DGCR2: variants seen among roughly 807,000 people sequenced by gnomAD.
The protein encoded by DGCR2 is integral membrane protein DGCR2/IDD.
DGCR2 carries 24 observed loss-of-function variants against 51.6 expected under a neutral mutation model. The observed-to-expected ratio is 0.47, with a 90% CI of 0.34 to 0.65. The LOEUF is 0.65. Ranked by LOEUF, DGCR2 falls within the 30% of genes least tolerant of loss-of-function variation. DGCR2 has a pLI of 0.01. For synonymous variants in DGCR2, 340 were observed against 315.4 expected (o/e 1.08, Z -0.82); for missense variants, 765 against 772.1 (o/e 0.99, Z 0.11).
chr22:19,077,164 T>G (rs1392760040), intron 2 of DGCR2, among the ~76,000 whole-genome samples: 2 of 152,232 alleles, frequency 1.3e-5, no homozygotes, highest in Non-Finnish European at 2.9e-5. Flanking sequence ...GTTGAGTGCT[T>G]CTTTTAATTA....
At chr22:19,108,569 TAAAA>T (rs55803042) in intron 1 of DGCR2, among the ~76,000 whole-genome samples, 14 of 90,742 alleles carry the variant, frequency 1.5e-4, no homozygotes, top group South Asian at 3.7e-4. Context: ...AGAATTTATC[TAAAA>T]AAAAAAAAAA....
chr22:19,119,331 A>T (rs986051300), intron 1 of DGCR2, among the ~76,000 whole-genome samples: 4 of 152,208 alleles, frequency 2.6e-5, no homozygotes, highest in Admixed American at 1.3e-4. Context: ...CCCCATCTTT[A>T]AATGAGGCTA....
At chr22:19,065,425 T>G (rs1013990095) in intron 3 of DGCR2, among the ~76,000 whole-genome samples, 1 of 152,220 alleles carries the variant, frequency 6.6e-6, no homozygotes, top group Non-Finnish European at 1.5e-5. Flanking sequence ...CTGCTTCCAA[T>G]GCCCAGCTCT....
chr22:19,068,919 C>T (rs1010046499), intron 2 of DGCR2, among the ~76,000 whole-genome samples: 2 of 152,228 alleles, frequency 1.3e-5, no homozygotes, highest in Non-Finnish European at 2.9e-5. Flanking sequence ...TGCTTCCACC[C>T]ACACACTCTC....
At chr22:19,075,651 T>C (rs760356289) in intron 2 of DGCR2, among the ~76,000 whole-genome samples, 13 of 152,348 alleles carry the variant, frequency 8.5e-5, no homozygotes, top group Non-Finnish European at 1.3e-4. Flanking sequence ...CATTTGAGTA[T>C]CTTGATAGCA....
intron 2 of DGCR2, among the ~76,000 whole-genome samples, chr22:19,089,072 G>T (rs1601264880): frequency 6.6e-6 from 1 of 152,114 alleles, no homozygotes; most frequent in East Asian, 1.9e-4. Context: ...CCTCAGGAGG[G>T]GTTCACACTC....
intron 9 of DGCR2, among the ~76,000 whole-genome samples, chr22:19,040,544 CCA>C (rs1400812064): frequency 6.6e-6 from 1 of 152,192 alleles, no homozygotes; most frequent in African/African-American, 2.4e-5. Flanking sequence ...GGAATGGCGC[CCA>C]CTCTCAGATG....
At chr22:19,082,479 G>A (rs2082950802) in intron 2 of DGCR2, among the ~76,000 whole-genome samples, 1 of 152,086 alleles carries the variant, frequency 6.6e-6, no homozygotes, top group South Asian at 2.1e-4. Context: ...TAGGTATGGT[G>A]GCTCATGCAC....
intron 2 of DGCR2, among the ~76,000 whole-genome samples, chr22:19,082,075 T>G (rs1057186835): frequency 1.3e-5 from 2 of 150,910 alleles, no homozygotes; most frequent in African/African-American, 2.4e-5. Context: ...TTTTTTTTTT[T>G]TTGAAACAGG....
chr22:19,074,271 C>G (rs945304014), intron 2 of DGCR2, among the ~76,000 whole-genome samples: 1 of 151,928 alleles, frequency 6.6e-6, no homozygotes, highest in Admixed American at 6.6e-5. Flanking sequence ...CTAAAAAATA[C>G]AAAAATTAGC....
chr22:19,040,476 A>G (rs1404080445), intron 9 of DGCR2, among the ~76,000 whole-genome samples: 1 of 151,978 alleles, frequency 6.6e-6, no homozygotes, highest in Non-Finnish European at 1.5e-5. Context: ...ACTGCTCAAC[A>G]GAGACAGAGA....
rs144611145 is a variant in DGCR2, at chr22:19,041,852, G to A, written c.1114C>T (p.Arg372Cys). The A allele has an allele frequency of 6.2e-6, 10 of 1,613,152 alleles. No homozygotes were observed. Among genetic ancestry groups the A allele is most frequent in the Non-Finnish European group, 8.5e-6 (10 of 1,179,946 alleles). The change falls in exon 8 of 10, where the codon CGC becomes TGC. Residue 372 changes from arginine to cysteine, a missense_variant. Arg to Cys is a radical substitution (Grantham distance 180). Transcript: ENST00000263196. ...TCGATGCGCTCCCGGCGCCGCTGGC[G>A]CAGCCGGTGGACCATGAAGAGCAGC... is the stretch of plus-strand genomic sequence containing the variant. ...SLLLFMVHRLRQRRRERIESL... is the reference protein window; with the variant it reads ...SLLLFMVHRLCQRRRERIESL...
At chr22:19,049,027 C>G (rs2082521104) in intron 6 of DGCR2, among the ~76,000 whole-genome samples, 2 of 152,214 alleles carry the variant, frequency 1.3e-5, no homozygotes, top group Non-Finnish European at 2.9e-5. Flanking sequence ...CAAGAGCAGT[C>G]ACTACAACAC....
intron 1 of DGCR2, among the ~76,000 whole-genome samples, chr22:19,115,953 T>C (rs966838080): frequency 6.6e-6 from 1 of 152,270 alleles, no homozygotes; most frequent in Non-Finnish European, 1.5e-5. Flanking sequence ...CACTAACATT[T>C]TGCCTGATGA....
At chr22:19,068,034 G>C in intron 3 of DGCR2, 66 bp downstream of exon 3, 2 of 1,479,128 alleles carry the variant, frequency 1.4e-6, no homozygotes, top group East Asian at 4.9e-5. Flanking sequence ...AGTAGTGCTG[G>C]AAAGGCAGGG....
intron 5 of DGCR2, 90 bp downstream of exon 5, chr22:19,063,112 G>C (rs2082703782): frequency 2.4e-6 from 3 of 1,275,952 alleles, no homozygotes; most frequent in South Asian, 1.2e-5. Context: ...CTACGGGCCA[G>C]GCAGCACTGG....
chr22:19,094,453 T>TG (rs2146021921), intron 1 of DGCR2, among the ~76,000 whole-genome samples: 1 of 152,158 alleles, frequency 6.6e-6, no homozygotes, highest in Admixed American at 6.5e-5. Flanking sequence ...CAAAAAACCA[T>TG]GAAGAGAAAC....
chr22:19,047,114 G>A (rs1051243), intron 7 of DGCR2: 1,612 of 152,748 alleles, frequency 0.011, 18 homozygotes, highest in Non-Finnish European at 0.016. Flanking sequence ...CACCCTATAC[G>A]AGGAGAAACT....
intron 6 of DGCR2, among the ~76,000 whole-genome samples, chr22:19,055,635 C>T (rs1329587193): frequency 6.6e-6 from 1 of 152,208 alleles, no homozygotes; most frequent in African/African-American, 2.4e-5. Flanking sequence ...ACTAAGAGAA[C>T]CAATAAAGGA....
Sources: gnomAD v4.1 joint callset for allele counts (sites outside exome capture counted in the v4.1 genomes callset) on GRCh38, gnomAD v4.1.1 for gene constraint, MANE v1.5 for transcripts, NCBI Gene and HGNC (gene_info 2026-07-23, HGNC 2026-07-21) for gene names.